The following NUP210 variants were observed in gnomAD, a reference collection of about 807,000 sequenced individuals.
NUP210 encodes the protein nuclear pore membrane glycoprotein 210.
In NUP210, 151 loss-of-function variants were observed where a neutral mutation model predicts 196.0. The ratio of observed to expected loss-of-function variants is 0.77; its 90% CI spans 0.67 to 0.88. NUP210 has a LOEUF of 0.88. NUP210 is among the 40% of genes least tolerant of loss of function. NUP210 has a pLI of 0.00. For synonymous variants in NUP210, 1,070 were observed against 1,052.7 expected (o/e 1.02, Z -0.32); for missense variants, 2,314 against 2,493.7 (o/e 0.93, Z 1.53).
chr3:13,329,583 T>G (rs1696914333), intron 30 of NUP210, among the ~76,000 whole-genome samples: 1 of 152,158 alleles, frequency 6.6e-6, no homozygotes. Flanking sequence ...GTCAGTCACT[T>G]TCACTCACCA....
At chr3:13,397,282 A>T in intron 3 of NUP210, 75 bp downstream of exon 3, 1 of 1,527,970 alleles carries the variant, frequency 6.5e-7, no homozygotes, top group Non-Finnish European at 8.8e-7. Context: ...TGGGGAATGC[A>T]GAGAGGCCAG....
intron 39 of NUP210, among the ~76,000 whole-genome samples, chr3:13,318,460 T>A (rs1696364782): frequency 6.6e-6 from 1 of 152,088 alleles, no homozygotes; most frequent in South Asian, 2.1e-4. Context: ...TGGGCCCCCA[T>A]GTCAGCAGAC....
intron 14 of NUP210, among the ~76,000 whole-genome samples, chr3:13,362,391 C>T (rs1333844599): frequency 6.6e-6 from 1 of 152,268 alleles, no homozygotes; most frequent in South Asian, 2.1e-4. Context: ...TGTGGGGACA[C>T]AAACATCCAA....
At position 13,340,422 on chromosome 3, in the gene NUP210, A is replaced by G; in HGVS notation, c.3229-124T>C. 1.2e-6 allele frequency: 1 copy of G among 842,404 alleles called. No homozygotes were observed. Among genetic ancestry groups the G allele is most frequent in the Non-Finnish European group, 1.9e-6 (1 of 518,736 alleles). The allele number at this position is 842,404 out of a possible 1,614,324, so 52.2% of individuals were successfully genotyped here. ...ACATGGACATCACTTCTCTCTGAGC[A>G]GTGACCAGAGGGCCCAGGGTCCTGG... On this transcript the variant is annotated intron_variant, in intron 23 of 39. Transcript: ENST00000254508. This position sits in a 1 kb window ranked among gnomAD's most constrained non-coding sequence, Gnocchi z 4.0.
rs777613080 is a variant in NUP210, at chr3:13,319,243, C to T, written c.5466G>A (p.Ala1822=). Residue 1822 remains alanine (A), a synonymous_variant, in exon 38 of 40, where the codon GCG becomes GCA. Coordinates refer to ENST00000254508, the MANE Select transcript of NUP210 (RefSeq NM_024923.4). ...CAGCCTCCTCACCTATGATCATGACCGCTGTCCCAGCCAACAGGGCGAAGA... is the reference window on the plus strand; with the variant it reads ...CAGCCTCCTCACCTATGATCATGACTGCTGTCCCAGCCAACAGGGCGAAGA... ...FTLFALLAGT[A]VMIIAYHTVC... The T allele has an allele frequency of 1.5e-4, 240 of 1,613,134 alleles. No homozygotes were observed. Among genetic ancestry groups the T allele is most frequent in the Non-Finnish European group, 1.9e-4 (223 of 1,179,584 alleles).
Position 13,372,041 on chromosome 3 carries a change from C to T in NUP210, c.1588-9G>A, listed in dbSNP as rs1698749886. ...GGCTCGATCACATACACCTGGAAGACAGGGGCATGGCCTGGGCTCAGCTGC... is the reference window on the plus strand; with the variant it reads ...GGCTCGATCACATACACCTGGAAGATAGGGGCATGGCCTGGGCTCAGCTGC... On this transcript the variant is annotated splice_polypyrimidine_tract_variant and intron_variant, in intron 12 of 39. Transcript: ENST00000254508. The T allele has an allele frequency of 6.4e-7, 1 of 1,559,680 alleles. No homozygotes were observed.
intron 5 of NUP210, 45 bp downstream of exon 5, chr3:13,388,258 T>C: frequency 1.3e-6 from 2 of 1,526,998 alleles, no homozygotes; most frequent in Non-Finnish European, 1.8e-6. Flanking sequence ...GTCAGCCTGA[T>C]TCCACCCCAG....
chr3:13,388,815 G>A (rs1386646713), intron 4 of NUP210, among the ~76,000 whole-genome samples: 3 of 152,222 alleles, frequency 2.0e-5, no homozygotes, highest in African/African-American at 7.2e-5. Flanking sequence ...AGGCCCAAGA[G>A]CACAGCCCAG....
At chr3:13,327,758 G>T (rs571857313) in intron 31 of NUP210, among the ~76,000 whole-genome samples, 1 of 152,242 alleles carries the variant, frequency 6.6e-6, no homozygotes, top group African/African-American at 2.4e-5. Flanking sequence ...GCTTCCTCAC[G>T]CTCTTCCCAC....
At chr3:13,343,411 C>A in intron 20 of NUP210, 108 bp from the exon 21 acceptor site, 1 of 1,395,118 alleles carries the variant, frequency 7.2e-7, no homozygotes, top group South Asian at 1.4e-5. Context: ...ACCAGCCTAT[C>A]ACCTCATGGG....
In NUP210 at chr3:13,366,814, G is replaced by C. The variant is rs976229766; in HGVS notation, c.1787-723C>G. 6.0e-5 allele frequency among the ~76,000 whole-genome samples: 9 copies of C among 151,072 alleles called. 1 individual carries two copies. The highest frequency in any genetic ancestry group is 4.6e-4 in the Admixed American group (7 of 15,204). On this transcript the variant is annotated intron_variant, in intron 13 of 39. Transcript: ENST00000254508. ...TTACAGGCATGAGCCACCGCACCCGGCCCTGATTTTTAAAAAAATATTTAA... is the reference window on the plus strand; with the variant it reads ...TTACAGGCATGAGCCACCGCACCCGCCCCTGATTTTTAAAAAAATATTTAA...
At chr3:13,396,991 A>G (rs960260615) in intron 3 of NUP210, among the ~76,000 whole-genome samples, 7 of 152,094 alleles carry the variant, frequency 4.6e-5, no homozygotes, top group African/African-American at 1.4e-4. Flanking sequence ...CCTGCCTCCC[A>G]TCGCTGCCAA....
At chr3:13,381,539 T>C (rs1293764169) in intron 6 of NUP210, among the ~76,000 whole-genome samples, 1 of 151,426 alleles carries the variant, frequency 6.6e-6, no homozygotes, top group East Asian at 1.9e-4. Context: ...GCCTCCTAAG[T>C]AGTTGAGACT....
At chr3:13,393,600 C>G (rs1699559485) in intron 3 of NUP210, among the ~76,000 whole-genome samples, 1 of 152,220 alleles carries the variant, frequency 6.6e-6, no homozygotes, top group South Asian at 2.1e-4. Context: ...CTCCCGCCAG[C>G]TGCTGGCAAC....
intron 32 of NUP210, among the ~76,000 whole-genome samples, chr3:13,326,777 T>A (rs1161370187): frequency 6.6e-6 from 1 of 152,242 alleles, no homozygotes; most frequent in Non-Finnish European, 1.5e-5. Context: ...TCCGTGTGTC[T>A]CCTGGCTAGA....
rs761371825 is a variant in NUP210, at chr3:13,420,082, C to T, written c.145G>A (p.Ala49Thr). The change falls in exon 1 of 40, where the codon GCC becomes ACC. Residue 49 changes from alanine to threonine, a missense_variant. Physicochemically the swap from Ala to Thr is moderately conservative, Grantham distance 58 (BLOSUM62 0). Coordinates refer to ENST00000254508, the MANE Select transcript of NUP210 (RefSeq NM_024923.4). This position sits in a 1 kb window ranked among gnomAD's most constrained non-coding sequence, Gnocchi z 4.8. ...CACCAGCGGTAGCAGCCCTCCGAGGCCTCCAGCGTGAAGTTAACGCGCGTG... is the reference window on the plus strand; with the variant it reads ...CACCAGCGGTAGCAGCCCTCCGAGGTCTCCAGCGTGAAGTTAACGCGCGTG... ...RATRVNFTLE[A>T]SEGCYRWLST... 1.2e-5 allele frequency: 17 copies of T among 1,373,048 alleles called. No individual in the cohort carries two copies. Among genetic ancestry groups the T allele is most frequent in the Non-Finnish European group, 1.6e-5 (17 of 1,042,102 alleles). 85.1% of individuals were successfully genotyped at this position (1,373,048 alleles called of 1,614,324 possible).
At chr3:13,324,678 T>G (rs1007490105) in intron 33 of NUP210, among the ~76,000 whole-genome samples, 8 of 152,186 alleles carry the variant, frequency 5.3e-5, no homozygotes, top group Admixed American at 1.3e-4. Context: ...GGCCTCAGTC[T>G]CTGGCCAGTT....
At chr3:13,332,789 T>G (rs184031142) in intron 28 of NUP210, among the ~76,000 whole-genome samples, 12 of 152,180 alleles carry the variant, frequency 7.9e-5, no homozygotes, top group African/African-American at 2.9e-4. Flanking sequence ...CATGTTTGTG[T>G]AGTCTAATGG....
rs1700180930 is a variant in NUP210 at position 13,411,761 on chromosome 3, A to G, written c.167+8299T>C. Among the ~76,000 whole-genome samples the G allele has an allele frequency of 4.6e-5, 7 of 152,164 alleles. No individual in the cohort carries two copies. In the South Asian group the frequency reaches 1.4e-3, roughly 31 times the overall value. On this transcript the variant is annotated intron_variant, in intron 1 of 39. Transcript: ENST00000254508. ...GTTTATTTACTTATTTATTTATTTG[A>G]GACAGTTTCACTCTTATCACCCAGG...
Sources: allele counts gnomAD v4.1 joint callset (sites outside exome capture counted in the v4.1 genomes callset), GRCh38; gene constraint gnomAD v4.1.1; non-coding constraint Gnocchi (gnomAD v3.1); transcripts MANE v1.5; gene names NCBI Gene and HGNC (gene_info 2026-07-23, HGNC 2026-07-21).